The following GFPT1 variants were observed in gnomAD, a reference collection of about 807,000 sequenced individuals.
GFPT1 encodes glutamine--fructose-6-phosphate aminotransferase [isomerizing] 1.
A neutral mutation model predicts 92.0 loss-of-function variants in GFPT1; 40 were observed. That is an observed-to-expected ratio of 0.43 (90% CI 0.34 to 0.57). The LOEUF is 0.57. Among genes scored for constraint, GFPT1 ranks in the 20% least tolerant of loss-of-function variants. The pLI is 0.02. For missense variants in GFPT1, 448 were observed against 869.1 expected, an observed-to-expected ratio of 0.52 and a Z score of 6.09; for synonymous variants, 269 against 280.6, an observed-to-expected ratio of 0.96 and a Z score of 0.41.
chr2:69,362,625 G>A (rs565303387), intron 4 of GFPT1, among the ~76,000 whole-genome samples: 8 of 151,692 alleles, frequency 5.3e-5, no homozygotes, highest in Admixed American at 2.6e-4. Flanking sequence ...GTGAAATGCC[G>A]TCTCTACTAA....
At chr2:69,374,729 T>A (rs1431636739) in intron 1 of GFPT1, among the ~76,000 whole-genome samples, 2 of 152,288 alleles carry the variant, frequency 1.3e-5, no homozygotes, top group African/African-American at 4.8e-5. Flanking sequence ...ATACAGAGCA[T>A]TTCGTTTCAA....
chr2:69,360,804 G>T (rs185410518), intron 4 of GFPT1, among the ~76,000 whole-genome samples: 1 of 151,952 alleles, frequency 6.6e-6, no homozygotes, highest in African/African-American at 2.4e-5. Context: ...GCACGATCTC[G>T]GCTCACTGCA....
At chr2:69,384,692 AC>A (rs1389522423) in intron 1 of GFPT1, among the ~76,000 whole-genome samples, 8 of 56,636 alleles carry the variant, frequency 1.4e-4, no homozygotes, top group African/African-American at 1.6e-4. Context: ...AGGCCCCGTC[AC>A]AAAAAAAAAA....
chr2:69,351,500 A>C (rs1671205955), intron 9 of GFPT1, among the ~76,000 whole-genome samples: 1 of 152,260 alleles, frequency 6.6e-6, no homozygotes, highest in Admixed American at 6.5e-5. Context: ...ATATAAAGGC[A>C]GACTTGATAA....
rs143127404 is a variant in GFPT1 at position 69,376,639 on chromosome 2, G to C, written c.8-2526C>G. ...CTAGCTTATTTGAAAACAGAAGCCT[G>C]TCGAGGATTGTTTGCAGATTGTCCA... On this transcript the variant is annotated intron_variant, in intron 1 of 19. Coordinates refer to ENST00000357308, the MANE Select transcript of GFPT1 (RefSeq NM_001244710.2). Among the ~76,000 whole-genome samples, 351 of 152,302 alleles carry C rather than the reference G, an allele frequency of 2.3e-3. 1 individual carries two copies. Among genetic ancestry groups the C allele is most frequent in the Non-Finnish European group, 3.8e-3 (257 of 68,036 alleles).
Position 69,387,101 on chromosome 2 carries a change from G to A in GFPT1, c.-30C>T, listed in dbSNP as rs900464964. On this transcript the variant is annotated 5_prime_UTR_variant, in exon 1 of 20. Transcript: ENST00000357308. ...CCGGAGACACGGCCCGCGAGGCCAG[G>A]GGCGAGTGGCTGGCGGGATCGGGGG... The A allele has an allele frequency of 5.2e-6, 8 of 1,531,990 alleles. No homozygotes were observed. Among genetic ancestry groups the A allele is most frequent in the East Asian group, 2.5e-5 (1 of 40,162 alleles). 94.9% of individuals were successfully genotyped at this position (1,531,990 alleles called of 1,614,324 possible). A position where few individuals can be genotyped will look rare whatever the true frequency, so the allele number is the denominator to read the frequency against.
intron 9 of GFPT1, among the ~76,000 whole-genome samples, 192 bp downstream of exon 9, chr2:69,354,067 C>A (rs1349676138): frequency 7.2e-5 from 11 of 152,292 alleles, no homozygotes; most frequent in African/African-American, 2.4e-4. Flanking sequence ...ATTAAAAGCA[C>A]TTTCTAAATG....
rs1037394089 is a variant in GFPT1 at position 69,354,370 on chromosome 2, T to A, written c.686-58A>T. 5.6e-6 allele frequency: 8 copies of A among 1,435,778 alleles called. No individual in the cohort carries two copies. The African/African-American group carries it at 1.1e-4, about 20-fold the overall frequency. 88.9% of individuals were successfully genotyped at this position (1,435,778 alleles called of 1,614,324 possible). ...ATCAGAGAACTCACAAAAACAAATC[T>A]TTTTCATGTCTAGACAGAACTATAT... On this transcript the variant is annotated intron_variant, in intron 8 of 19. Transcript: ENST00000357308.
At position 69,334,354 on chromosome 2, in the gene GFPT1, T is replaced by A. The variant is rs1257223156; in HGVS notation, c.1482+3544A>T. On this transcript the variant is annotated intron_variant, in intron 15 of 19. Transcript: ENST00000357308. ...AAATGAAATACTAAATTGCCATACT[T>A]ACTCAATTTTTTTAAGAGTTATTTT... Among the ~76,000 whole-genome samples, 4 of 152,130 alleles carry A rather than the reference T, an allele frequency of 2.6e-5. No individual in the cohort carries two copies. The East Asian group carries it at 5.8e-4, about 22-fold the overall frequency.
At chr2:69,376,999 A>G (rs1457161843) in intron 1 of GFPT1, among the ~76,000 whole-genome samples, 1 of 152,010 alleles carries the variant, frequency 6.6e-6, no homozygotes, top group East Asian at 1.9e-4. Flanking sequence ...ACATGAGGTA[A>G]GGAGTTCAAG....
At chr2:69,373,975 T>C (rs749845794) in intron 2 of GFPT1, 31 bp downstream of exon 2, 3 of 980,642 alleles carry the variant, frequency 3.1e-6, no homozygotes, top group Non-Finnish European at 3.3e-6. Context: ...TAAAGAATCA[T>C]GCAAAATCCA....
At chr2:69,358,770 C>T (rs1369246864) in intron 5 of GFPT1, among the ~76,000 whole-genome samples, 5 of 152,176 alleles carry the variant, frequency 3.3e-5, no homozygotes, top group South Asian at 2.1e-4. Flanking sequence ...TCAACAACCA[C>T]ATGTGGACAG....
chr2:69,343,005 T>TTCTCCACCTCCTGGAGTCTGC (rs1464379362), intron 12 of GFPT1, among the ~76,000 whole-genome samples: 2 of 152,172 alleles, frequency 1.3e-5, no homozygotes, highest in Non-Finnish European at 2.9e-5. Flanking sequence ...CTCTCTTCTG[T>TTCTCCACCTCCTGGAGTCTGC]TCTCCACCTC....
At chr2:69,335,247 TCCTCCCAATTCAG>T (rs1325241079) in intron 15 of GFPT1, among the ~76,000 whole-genome samples, 1 of 152,076 alleles carries the variant, frequency 6.6e-6, no homozygotes, top group Non-Finnish European at 1.5e-5. Flanking sequence ...CCTCAAGTGA[TCCTCCCAATTCAG>T]CCTCCCAAAG....
intron 18 of GFPT1, among the ~76,000 whole-genome samples, chr2:69,327,390 T>C (rs934872539): frequency 6.6e-6 from 1 of 152,206 alleles, no homozygotes; most frequent in Non-Finnish European, 1.5e-5. Context: ...CTTTTGGAAT[T>C]TATATATAAA....
intron 15 of GFPT1, 97 bp downstream of exon 15, chr2:69,337,801 C>T (rs1191825570): frequency 1.0e-6 from 1 of 980,842 alleles, no homozygotes; most frequent in African/African-American, 1.6e-5. Flanking sequence ...AGTTCTATAA[C>T]TGCTAACAAA....
rs777934882 is a variant in GFPT1, at chr2:69,338,429, TTTAAAA to T, written c.1324+10_1324+15del. The T allele has an allele frequency of 3.7e-6, 6 of 1,601,862 alleles. No homozygotes were observed. In the Admixed American group the frequency reaches 8.4e-5, roughly 22 times the overall value. On this transcript the variant is annotated intron_variant, in intron 14 of 19. Transcript: ENST00000357308. ...GAATAACTTTCCTTCCTTTTAAGTC[TTTAAAA>T]TTAACACACCTGATTGACTAAGGAA...
At chr2:69,357,946 G>A (rs537658825) in intron 6 of GFPT1, among the ~76,000 whole-genome samples, 1 of 152,258 alleles carries the variant, frequency 6.6e-6, no homozygotes, top group African/African-American at 2.4e-5. Flanking sequence ...CTACTATTGT[G>A]CTAAGTTATT....
chr2:69,379,956 C>T (rs1025387411), intron 1 of GFPT1, among the ~76,000 whole-genome samples: 2 of 151,878 alleles, frequency 1.3e-5, no homozygotes, highest in Admixed American at 6.6e-5. Flanking sequence ...TGGACTCAAG[C>T]GATCCTCTTG....
Sources: allele counts gnomAD v4.1 joint callset (sites outside exome capture counted in the v4.1 genomes callset), GRCh38; gene constraint gnomAD v4.1.1; transcripts MANE v1.5; gene names NCBI Gene and HGNC (gene_info 2026-07-23, HGNC 2026-07-21).